Variants in FOXP1 observed in about 807,000 individuals in gnomAD.
FOXP1 encodes forkhead box protein P1.
In FOXP1, 15 loss-of-function variants were observed where a neutral mutation model predicts 98.2. The observed-to-expected ratio is 0.15, with a 90% confidence interval of 0.10 to 0.24. The LOEUF is 0.24. FOXP1 is among the 10% of genes least tolerant of loss of function. The pLI is 1.00. For synonymous variants in FOXP1, 371 were observed against 314.5 expected (o/e 1.18, Z -1.90); for missense variants, 633 against 848.5 (o/e 0.75, Z 3.15).
intron 3 of FOXP1, among the ~76,000 whole-genome samples, chr3:71,375,425 T>G (rs2079643181): frequency 1.3e-5 from 2 of 152,240 alleles, no homozygotes; most frequent in African/African-American, 4.8e-5. Context: ...TGGTGTTATT[T>G]AATGATGTAT....
intron 3 of FOXP1, among the ~76,000 whole-genome samples, chr3:71,382,737 C>T (rs2080273365): frequency 6.6e-6 from 1 of 152,194 alleles, no homozygotes; most frequent in Non-Finnish European, 1.5e-5. Flanking sequence ...AAGGACTTGC[C>T]AGTGACACTC....
intron 4 of FOXP1, among the ~76,000 whole-genome samples, chr3:71,312,928 T>C (rs1326628295): frequency 1.3e-5 from 2 of 151,868 alleles, no homozygotes; most frequent in African/African-American, 2.4e-5. Context: ...CAGGAAGAGG[T>C]TGCAGTGAGC....
intron 5 of FOXP1, among the ~76,000 whole-genome samples, chr3:71,253,992 A>T (rs1046604348): frequency 6.6e-6 from 1 of 152,184 alleles, no homozygotes; most frequent in African/African-American, 2.4e-5. Flanking sequence ...ACAAATTTGG[A>T]GGAAAAGACA....
At chr3:71,046,587 G>A (rs950405747) in intron 10 of FOXP1, among the ~76,000 whole-genome samples, 1 of 152,128 alleles carries the variant, frequency 6.6e-6, no homozygotes. Flanking sequence ...TGTCTTAAAT[G>A]AATAATAAAA....
intron 12 of FOXP1, among the ~76,000 whole-genome samples, chr3:71,013,309 G>C (rs1256546081): frequency 6.6e-6 from 1 of 152,138 alleles, no homozygotes; most frequent in Non-Finnish European, 1.5e-5. Flanking sequence ...CATTTATAAA[G>C]TCAATTGTAT....
chr3:71,383,878 T>C (rs891094275), intron 3 of FOXP1, among the ~76,000 whole-genome samples: 1 of 151,884 alleles, frequency 6.6e-6, no homozygotes, highest in Non-Finnish European at 1.5e-5. Context: ...AATTTGGAGG[T>C]CATGATGTAT....
rs71120316 is a variant in FOXP1 at position 71,345,871 on chromosome 3, T to TAAAAAAAAAAA, written c.-73+13268_-73+13278dup. ...AGGTTTGAAATCAATAAAGTTTTTG[T>TAAAAAAAAAAA]AAAAAAAAAAAAAAAAAAAAAAAAA... is the stretch of plus-strand genomic sequence containing the variant. On this transcript the variant is annotated intron_variant, in intron 4 of 20. Coordinates refer to ENST00000649528, the MANE Select transcript of FOXP1 (RefSeq NM_001349338.3). Among the ~76,000 whole-genome samples the TAAAAAAAAAAA allele has an allele frequency of 3.6e-3, 197 of 55,066 alleles. 24 individuals carry two copies. The East Asian group carries it at 0.041, about 11-fold the overall frequency. 36.1% of individuals were successfully genotyped at this position (55,066 alleles called of 152,430 possible).
intron 13 of FOXP1, among the ~76,000 whole-genome samples, chr3:70,996,204 G>C (rs543631158): frequency 1.7e-3 from 262 of 152,154 alleles, no homozygotes; most frequent in African/African-American, 6.0e-3. Flanking sequence ...GGCTGGTCTC[G>C]AACTCCCGAC....
intron 5 of FOXP1, among the ~76,000 whole-genome samples, chr3:71,297,233 GCA>G (rs1378777497): frequency 1.3e-5 from 2 of 152,154 alleles, no homozygotes; most frequent in African/African-American, 4.8e-5. Context: ...CATAGATCAT[GCA>G]CTTGATAGTG....
intron 10 of FOXP1, among the ~76,000 whole-genome samples, chr3:71,044,389 C>T (rs1330886690): frequency 1.3e-5 from 2 of 152,012 alleles, no homozygotes; most frequent in Non-Finnish European, 2.9e-5. Context: ...ATTACTGGTG[C>T]TAGGGAGGAT....
intron 3 of FOXP1, among the ~76,000 whole-genome samples, chr3:71,447,398 GGCAGT>G (rs1289678258): frequency 3.3e-5 from 5 of 152,202 alleles, no homozygotes; most frequent in African/African-American, 1.2e-4. Flanking sequence ...TGCCAATCTG[GGCAGT>G]GATTGGCAAC....
At chr3:71,421,386 A>G (rs1337090419) in intron 3 of FOXP1, among the ~76,000 whole-genome samples, 1 of 152,238 alleles carries the variant, frequency 6.6e-6, no homozygotes, top group Non-Finnish European at 1.5e-5. Flanking sequence ...AAAAAAGAAT[A>G]AAGTTGCACA....
chr3:71,051,123 C>T (rs532430561), intron 9 of FOXP1, among the ~76,000 whole-genome samples: 1 of 152,326 alleles, frequency 6.6e-6, no homozygotes, highest in East Asian at 1.9e-4. Flanking sequence ...TGAGAGCCTT[C>T]TGCACAGTGA....
intron 3 of FOXP1, among the ~76,000 whole-genome samples, chr3:71,421,825 A>C (rs1018653861): frequency 2.6e-5 from 4 of 152,194 alleles, no homozygotes; most frequent in African/African-American, 9.7e-5. Context: ...ATTCTCTTAA[A>C]CAAAAACAGA....
chr3:71,120,948 G>T (rs542445151), intron 6 of FOXP1, among the ~76,000 whole-genome samples: 1 of 152,136 alleles, frequency 6.6e-6, no homozygotes, highest in East Asian at 1.9e-4. Flanking sequence ...AGGTAGGTTT[G>T]GGAGTTGTGC....
chr3:71,266,900 T>C (rs555377364), intron 5 of FOXP1, among the ~76,000 whole-genome samples: 6 of 152,194 alleles, frequency 3.9e-5, no homozygotes, highest in Non-Finnish European at 8.8e-5. Context: ...AGAAACATGA[T>C]TTCATTCTTT....
In FOXP1 at chr3:70,976,948, G is replaced by A. The variant is rs2037693846; in HGVS notation, c.1523C>T (p.Thr508Met). 6.2e-7 allele frequency: 1 copy of A among 1,612,466 alleles called. No homozygotes were observed. The highest frequency in any genetic ancestry group is 1.7e-5 in the Admixed American group (1 of 59,996). Residue 508 changes from threonine to methionine, a missense_variant, in exon 17 of 21, where the codon ACG becomes ATG. This residue lies in a region of FOXP1 where 141 missense variants were observed against 199.5 expected (regional missense o/e 0.71). Transcript: ENST00000649528. ...AGGCCTGAGAAAGCTTACCTTCCAC[G>A]TGGCCGCGTTGCGTCGGAAGTAAGC... ...MFAYFRRNAA[T>M]WKNAVRHNLS...
chr3:71,046,438 G>A (rs2049045013), intron 10 of FOXP1, among the ~76,000 whole-genome samples: 1 of 152,058 alleles, frequency 6.6e-6, no homozygotes, highest in African/African-American at 2.4e-5. Context: ...ACTAAACAAA[G>A]TTTTCCTTTT....
chr3:71,179,650 C>T (rs1378381602), intron 6 of FOXP1, among the ~76,000 whole-genome samples: 3 of 152,192 alleles, frequency 2.0e-5, no homozygotes, highest in African/African-American at 7.2e-5. Flanking sequence ...AACATTACTG[C>T]TAGCTCTTTT....
Sources: gnomAD v4.1 joint callset for allele counts (sites outside exome capture counted in the v4.1 genomes callset) on GRCh38, gnomAD v4.1.1 for gene constraint, gnomAD v4.1.1 regional missense constraint, MANE v1.5 for transcripts, NCBI Gene and HGNC (gene_info 2026-07-23, HGNC 2026-07-21) for gene names.